Variants in SRPK2 observed in about 807,000 individuals in gnomAD.
SRPK2 encodes the protein SRSF protein kinase 2, also known as SFRS protein kinase 2.
SRPK2 carries 21 observed loss-of-function variants against 90.8 expected under a neutral mutation model. The observed-to-expected ratio is 0.23, with a 90% CI of 0.16 to 0.33. SRPK2 has a LOEUF of 0.33. SRPK2 is among the 10% of genes least tolerant of loss of function. SRPK2 has a pLI of 1.00. For missense variants in SRPK2, 620 were observed against 869.0 expected, an observed-to-expected ratio of 0.71 and a Z score of 3.60; for synonymous variants, 288 against 311.1, an observed-to-expected ratio of 0.93 and a Z score of 0.78.
chr7:105,391,696 A>G (rs1822187766), upstream of SRPK2, among the ~76,000 whole-genome samples: 1 of 152,180 alleles, frequency 6.6e-6, no homozygotes, highest in Non-Finnish European at 1.5e-5. Context: ...GTTAATGGAA[A>G]AAAAGTGTTG....
At chr7:105,340,491 T>C (rs1815636316) in intron 2 of SRPK2, among the ~76,000 whole-genome samples, 1 of 149,682 alleles carries the variant, frequency 6.7e-6, no homozygotes, top group South Asian at 2.2e-4. Context: ...ACAGCTTCTA[T>C]CTCCCAGGCT....
At chr7:105,198,734 T>C (rs1795209455) in intron 3 of SRPK2, among the ~76,000 whole-genome samples, 1 of 152,200 alleles carries the variant, frequency 6.6e-6, no homozygotes, top group South Asian at 2.1e-4. Flanking sequence ...TACTGTGTCA[T>C]GAACTTCATA....
At chr7:105,244,906 G>A (rs951851129) in intron 2 of SRPK2, 2 of 1,478,724 alleles carry the variant, frequency 1.4e-6, no homozygotes, top group Admixed American at 1.8e-5. Flanking sequence ...CGCGCCAAGA[G>A]GAAGCGGGAG....
chr7:105,249,933 CAT>C (rs1192580244), intron 2 of SRPK2, among the ~76,000 whole-genome samples: 1 of 152,176 alleles, frequency 6.6e-6, no homozygotes, highest in Non-Finnish European at 1.5e-5. Flanking sequence ...ATGAGGATGA[CAT>C]ATGATATGTA....
intron 2 of SRPK2, among the ~76,000 whole-genome samples, chr7:105,244,105 T>G (rs1700278547): frequency 6.6e-6 from 1 of 152,162 alleles, no homozygotes; most frequent in Non-Finnish European, 1.5e-5. Flanking sequence ...CCAAGTCCCG[T>G]CCGCTGGTCA....
intron 7 of SRPK2, 126 bp from the exon 8 acceptor site, chr7:105,146,784 G>T: frequency 9.8e-7 from 1 of 1,016,936 alleles, no homozygotes; most frequent in Non-Finnish European, 1.4e-6. Context: ...AGGATATTTA[G>T]TAAAAATCTC....
At chr7:105,209,954 C>T (rs1386975509) in intron 2 of SRPK2, among the ~76,000 whole-genome samples, 3 of 152,008 alleles carry the variant, frequency 2.0e-5, no homozygotes, top group Non-Finnish European at 2.9e-5. Flanking sequence ...TACTATAATA[C>T]TAAAATTATC....
Position 105,388,671 on chromosome 7 carries a change from C to CG in SRPK2, c.47dup (p.Lys17GlufsTer49). The CG allele has an allele frequency of 6.3e-7, 1 of 1,588,792 alleles. No individual in the cohort carries two copies. The highest frequency in any genetic ancestry group is 8.6e-7 in the Non-Finnish European group (1 of 1,167,344). ...ACTTTTTCGGATGTTTCTCTCTTTTCGGCCTCCGCTTTCGGGCCTGAATGG... is the reference window on the plus strand; with the variant it reads ...ACTTTTTCGGATGTTTCTCTCTTTTCGGGCCTCCGCTTTCGGGCCTGAATGG... On this transcript the variant is annotated frameshift_variant, in exon 2 of 16. Transcript: ENST00000393651. LOFTEE classifies it high-confidence loss of function.
chr7:105,186,791 G>A (rs1237816215), intron 3 of SRPK2, among the ~76,000 whole-genome samples: 1 of 152,218 alleles, frequency 6.6e-6, no homozygotes, highest in African/African-American at 2.4e-5. Context: ...TCTGGAAGGT[G>A]TGTGTTACCT....
At chr7:105,138,505 T>C (rs753713534) in intron 11 of SRPK2, among the ~76,000 whole-genome samples, 2 of 152,160 alleles carry the variant, frequency 1.3e-5, no homozygotes, top group Non-Finnish European at 2.9e-5. Flanking sequence ...GAATAAATAA[T>C]AGATGATATT....
intron 2 of SRPK2, among the ~76,000 whole-genome samples, chr7:105,315,239 G>A (rs1812187673): frequency 6.6e-6 from 1 of 152,058 alleles, no homozygotes; most frequent in Admixed American, 6.6e-5. Flanking sequence ...TTATTTTACT[G>A]CAAAAGACCT....
rs1297035772 is a variant in SRPK2 at position 105,168,010 on chromosome 7, A to G, written c.424T>C (p.Cys142Arg). ...TALDEIKLLK[C>R]VRESDPSDPN... is the part of the protein sequence containing the mutation. ...ATTCACATTTTTAAAGTACTTACACATTTGAGCAATTTTATTTCATCCAAG... is the reference window on the plus strand; with the variant it reads ...ATTCACATTTTTAAAGTACTTACACGTTTGAGCAATTTTATTTCATCCAAG... The change falls in exon 5 of 16, where the codon TGT (cysteine) becomes CGT (arginine). Residue 142 changes from cysteine (C) to arginine (R), a missense_variant and splice_region_variant. Physicochemically the swap from Cys to Arg is radical, Grantham distance 180. Around this residue, in one of 8 missense-constraint regions of SRPK2, gnomAD observed 196 missense variants for 339.2 expected, o/e 0.58. Transcript: ENST00000393651. The G allele has an allele frequency of 3.7e-6, 6 of 1,605,110 alleles. No homozygotes were observed. The highest frequency in any genetic ancestry group is 5.1e-6 in the Non-Finnish European group (6 of 1,175,402).
chr7:105,232,831 G>A, intron 2 of SRPK2, among the ~76,000 whole-genome samples: 1 of 151,994 alleles, frequency 6.6e-6, no homozygotes, highest in Non-Finnish European at 1.5e-5. Context: ...TGGCCAACAT[G>A]GTGAAACCTC....
rs577171880 is a variant in SRPK2, at chr7:105,234,043, T to C, written c.72-30258A>G. 3.3e-4 allele frequency among the ~76,000 whole-genome samples: 50 copies of C among 152,188 alleles called. 1 individual carries two copies. Among genetic ancestry groups the C allele is most frequent in the African/African-American group, 1.2e-3 (48 of 41,564 alleles). ...TTTAATAATTAGTATCTATTATTAT[T>C]AAAATAAGGCCCAATTAAATTTTTT... On this transcript the variant is annotated intron_variant, in intron 2 of 15. Transcript: ENST00000393651.
intron 2 of SRPK2, among the ~76,000 whole-genome samples, chr7:105,252,260 G>A (rs897374408): frequency 6.6e-6 from 1 of 152,006 alleles, no homozygotes; most frequent in African/African-American, 2.4e-5. Context: ...ATAAACTCTT[G>A]CCTGTAAAAT....
intron 2 of SRPK2, among the ~76,000 whole-genome samples, chr7:105,372,572 C>T (rs925562332): frequency 1.3e-5 from 2 of 152,148 alleles, no homozygotes; most frequent in African/African-American, 4.8e-5. Flanking sequence ...AGAAAAAACT[C>T]TCTGAGCACT....
At chr7:105,121,952 G>A (rs1307776743) in intron 15 of SRPK2, among the ~76,000 whole-genome samples, 1 of 152,168 alleles carries the variant, frequency 6.6e-6, no homozygotes, top group Non-Finnish European at 1.5e-5. Flanking sequence ...ATGAACACTG[G>A]TAATTACAAA....
chr7:105,175,662 CCAT>C (rs1791746242), intron 3 of SRPK2, among the ~76,000 whole-genome samples: 1 of 151,954 alleles, frequency 6.6e-6, no homozygotes, highest in Non-Finnish European at 1.5e-5. Flanking sequence ...ACACAAATTA[CCAT>C]CATGAGCAAT....
intron 2 of SRPK2, among the ~76,000 whole-genome samples, chr7:105,246,488 C>T (rs1801682854): frequency 6.6e-6 from 1 of 152,102 alleles, no homozygotes; most frequent in African/African-American, 2.4e-5. Context: ...GAATACAGAG[C>T]TACAGATATA....
Sources: allele counts gnomAD v4.1 joint callset (sites outside exome capture counted in the v4.1 genomes callset), GRCh38; gene constraint gnomAD v4.1.1; regional missense constraint gnomAD v4.1.1; transcripts MANE v1.5; gene names NCBI Gene and HGNC (gene_info 2026-07-23, HGNC 2026-07-21).